COL13A1: variants seen among roughly 807,000 people sequenced by gnomAD.
The protein encoded by COL13A1 is collagen alpha-1(XIII) chain.
COL13A1 carries 89 observed loss-of-function variants against 130.9 expected under a neutral mutation model. The observed-to-expected ratio is 0.68, with a 90% CI of 0.57 to 0.81. The LOEUF is 0.81. Among genes scored for constraint, COL13A1 ranks in the 30% least tolerant of loss-of-function variants. The pLI, the probability that COL13A1 is intolerant of heterozygous loss-of-function variation, is 0.00. For synonymous variants in COL13A1, 402 were observed against 341.6 expected, an observed-to-expected ratio of 1.18 and a Z score of -1.95; for missense variants, 879 against 934.6, an observed-to-expected ratio of 0.94 and a Z score of 0.78.
chr10:69,928,915 G>A (rs781538220), intron 27 of COL13A1, 22 bp from the exon 28 acceptor site: 2 of 1,602,776 alleles, frequency 1.2e-6, no homozygotes, highest in Admixed American at 1.7e-5. Flanking sequence ...GTTCTTCCAT[G>A]TGTCTTTCCT....
At chr10:69,940,721 G>A (rs1485576265) in intron 34 of COL13A1, among the ~76,000 whole-genome samples, 8 of 152,184 alleles carry the variant, frequency 5.3e-5, no homozygotes, top group Admixed American at 2.0e-4. Flanking sequence ...AGGGGGGCGG[G>A]AGGAGCAGGT....
intron 15 of COL13A1, 24 bp from the exon 16 acceptor site, chr10:69,904,909 T>TTC (rs1261746629): frequency 1.3e-5 from 11 of 849,376 alleles, no homozygotes; most frequent in Non-Finnish European, 9.5e-6. Context: ...TTTTTTCTTT[T>TTC]TTTTTTTTTT....
intron 31 of COL13A1, among the ~76,000 whole-genome samples, chr10:69,933,915 A>C (rs1206690467): frequency 3.9e-5 from 6 of 152,180 alleles, no homozygotes; most frequent in Non-Finnish European, 7.3e-5. Flanking sequence ...AGTGAATAGC[A>C]CAGCACCGTT....
At chr10:69,864,320 T>C (rs1186540720) in intron 2 of COL13A1, among the ~76,000 whole-genome samples, 1 of 151,592 alleles carries the variant, frequency 6.6e-6, no homozygotes, top group African/African-American at 2.4e-5. Flanking sequence ...TAAATGTCGA[T>C]TGAATGAATG....
At chr10:69,817,452 G>A (rs551812280) in intron 1 of COL13A1, among the ~76,000 whole-genome samples, 3 of 151,896 alleles carry the variant, frequency 2.0e-5, no homozygotes, top group Admixed American at 6.5e-5. Flanking sequence ...TTGGGGAGAG[G>A]AAGTGTGAAA....
At chr10:69,898,814 CA>C (rs2061915077) in intron 14 of COL13A1, 52 bp downstream of exon 14, 1 of 1,474,156 alleles carries the variant, frequency 6.8e-7, no homozygotes, top group Admixed American at 1.9e-5. Flanking sequence ...AGGGGCCCGG[CA>C]AGCCTGCTGG....
At chr10:69,926,354 T>C (rs1391227412) in intron 26 of COL13A1, among the ~76,000 whole-genome samples, 1 of 152,234 alleles carries the variant, frequency 6.6e-6, no homozygotes, top group South Asian at 2.1e-4. Flanking sequence ...GCACTGACTT[T>C]TGGGGCTAGA....
At chr10:69,946,809 G>A (rs918612705) in intron 37 of COL13A1, among the ~76,000 whole-genome samples, 4 of 151,924 alleles carry the variant, frequency 2.6e-5, no homozygotes, top group East Asian at 1.9e-4. Flanking sequence ...TTTGTTTTGA[G>A]ACGGAGTCTC....
chr10:69,914,670 TG>T (rs1174963369), intron 17 of COL13A1, among the ~76,000 whole-genome samples: 1 of 152,152 alleles, frequency 6.6e-6, no homozygotes, highest in African/African-American at 2.4e-5. Context: ...CAGAGGACTG[TG>T]GGGGCCTCTG....
Position 69,933,135 on chromosome 10 carries a change from C to CAAAAAAAAAA in COL13A1, c.1728+554_1728+563dup, listed in dbSNP as rs34323794. Among the ~76,000 whole-genome samples the CAAAAAAAAAA allele has an allele frequency of 1.5e-3, 65 of 44,434 alleles. 5 individuals carry two copies. The highest frequency in any genetic ancestry group is 2.2e-3 in the Non-Finnish European group (54 of 24,532). 29.2% of individuals were successfully genotyped at this position (44,434 alleles called of 152,430 possible). A position where few individuals can be genotyped will look rare whatever the true frequency, so the allele number is the denominator to read the frequency against. On this transcript the variant is annotated intron_variant, in intron 31 of 40. Coordinates refer to ENST00000645393, the MANE Select transcript of COL13A1 (RefSeq NM_001368882.1). ...TGGGCAACAGAGTGAGACTCTGCCT[C>CAAAAAAAAAA]AAAAAAAAAAAAAAAAAAAAAAAAA...
At chr10:69,925,942 G>A (rs181620292) in intron 26 of COL13A1, 70 bp downstream of exon 26, 2 of 1,354,164 alleles carry the variant, frequency 1.5e-6, no homozygotes, top group Admixed American at 2.0e-5. Flanking sequence ...CCTGATCAGG[G>A]GGCCCTTCCA....
chr10:69,868,010 C>T (rs764402709), intron 3 of COL13A1, among the ~76,000 whole-genome samples: 20 of 151,412 alleles, frequency 1.3e-4, no homozygotes, highest in Non-Finnish European at 2.8e-4. Context: ...CCCTCCAGGG[C>T]AAGACAATGG....
chr10:69,806,484 C>A (rs1841617789), intron 1 of COL13A1, among the ~76,000 whole-genome samples: 1 of 152,216 alleles, frequency 6.6e-6, no homozygotes, highest in Non-Finnish European at 1.5e-5. Context: ...ATGGCGGGAG[C>A]CAGCTCTGTG....
intron 13 of COL13A1, among the ~76,000 whole-genome samples, chr10:69,897,899 C>A (rs1206527907): frequency 1.3e-5 from 2 of 152,204 alleles, no homozygotes; most frequent in African/African-American, 4.8e-5. Context: ...GGACTGGAAG[C>A]TGCAACAATT....
chr10:69,864,044 G>A (rs1859053502), intron 2 of COL13A1, among the ~76,000 whole-genome samples: 1 of 152,038 alleles, frequency 6.6e-6, no homozygotes. Context: ...ACTCCAGCCT[G>A]GGCAACGGAG....
At chr10:69,885,955 C>T (rs950611071) in intron 7 of COL13A1, among the ~76,000 whole-genome samples, 6 of 152,160 alleles carry the variant, frequency 3.9e-5, no homozygotes, top group Non-Finnish European at 7.3e-5. Flanking sequence ...CGCACCCACC[C>T]TGATGGCAGG....
At chr10:69,948,791 T>C (rs1008578499) in intron 38 of COL13A1, among the ~76,000 whole-genome samples, 1 of 151,814 alleles carries the variant, frequency 6.6e-6, no homozygotes, top group Non-Finnish European at 1.5e-5. Flanking sequence ...GCTCTAGAGG[T>C]GGAGGCAGGA....
chr10:69,834,891 G>T (rs1435257367), intron 2 of COL13A1, among the ~76,000 whole-genome samples: 1 of 152,230 alleles, frequency 6.6e-6, no homozygotes, highest in African/African-American at 2.4e-5. Context: ...TGGACTTAGA[G>T]AAGAAAGACC....
At chr10:69,856,198 A>G (rs1417504969) in intron 2 of COL13A1, among the ~76,000 whole-genome samples, 1 of 152,230 alleles carries the variant, frequency 6.6e-6, no homozygotes, top group African/African-American at 2.4e-5. Context: ...TTTTGCAGAA[A>G]ATATCTGATT....
Sources: allele counts gnomAD v4.1 joint callset (sites outside exome capture counted in the v4.1 genomes callset), GRCh38; gene constraint gnomAD v4.1.1; transcripts MANE v1.5; gene names NCBI Gene and HGNC (gene_info 2026-07-23, HGNC 2026-07-21).